Variants in SORCS2 observed in about 807,000 individuals in gnomAD.
SORCS2 encodes the protein sortilin related VPS10 domain containing receptor 2.
In SORCS2, 100 loss-of-function variants were observed where a neutral mutation model predicts 141.6. That is an observed-to-expected ratio of 0.71 (90% CI 0.60 to 0.83). The LOEUF (loss-of-function observed/expected upper bound fraction) is 0.83, where lower values mean the gene tolerates loss of function less well. Ranked by LOEUF, SORCS2 falls within the 40% of genes least tolerant of loss-of-function variation. The pLI is 0.00. For missense variants in SORCS2, 1,646 were observed against 1,560.2 expected, an observed-to-expected ratio of 1.05 and a Z score of -0.93; for synonymous variants, 789 against 676.9, an observed-to-expected ratio of 1.17 and a Z score of -2.57.
At chr4:7,327,379 G>A (rs1017245144) in intron 1 of SORCS2, among the ~76,000 whole-genome samples, 1 of 152,216 alleles carries the variant, frequency 6.6e-6, no homozygotes, top group Non-Finnish European at 1.5e-5. Flanking sequence ...GCCCCTCCCT[G>A]TGTGTCTCTG....
chr4:7,525,292 G>T (rs767540063), intron 2 of SORCS2, among the ~76,000 whole-genome samples: 1 of 152,068 alleles, frequency 6.6e-6, no homozygotes, highest in Non-Finnish European at 1.5e-5. Flanking sequence ...ACACTTGCGG[G>T]GTGCCTGCAG....
In SORCS2 at chr4:7,193,229, C is replaced by T. The variant is rs1726958109; in HGVS notation, c.480+103C>T. On this transcript the variant is annotated intron_variant, in intron 1 of 26. Coordinates refer to ENST00000507866, the MANE Select transcript of SORCS2 (RefSeq NM_020777.3). The surrounding 1 kb of genome is among the most constrained non-coding windows in gnomAD (Gnocchi z 4.8). ...CACCCCAGATCCCCACTATGGTCAT[C>T]AGGGGCGGGTTCTTGGCGACTTGGG... 1 of 1,282,954 alleles carries T rather than the reference C, an allele frequency of 7.8e-7. No individual in the cohort carries two copies. The highest frequency in any genetic ancestry group is 9.9e-7 in the Non-Finnish European group (1 of 1,012,694). The allele number at this position is 1,282,954 out of a possible 1,614,324, so 79.5% of individuals were successfully genotyped here.
At position 7,716,579 on chromosome 4, in the gene SORCS2, CATCT is replaced by C. The variant is rs199555229; in HGVS notation, c.2252+1274_2252+1277del. ...CAATCTATCCATCCATTCACCTATC[CATCT>C]ATCTACCCATCAATTCATCCACTAT... is the stretch of plus-strand genomic sequence containing the variant. On this transcript the variant is annotated intron_variant, in intron 17 of 26. Coordinates refer to ENST00000507866, the MANE Select transcript of SORCS2 (RefSeq NM_020777.3). Among the ~76,000 whole-genome samples the C allele has an allele frequency of 4.9e-3, 740 of 152,164 alleles. 6 individuals are homozygous for C. The highest frequency in any genetic ancestry group is 0.017 in the African/African-American group (694 of 41,494).
At chr4:7,427,968 C>A (rs10937819) in intron 2 of SORCS2, among the ~76,000 whole-genome samples, 81,446 of 151,770 alleles carry the variant, frequency 0.54, 21,892 homozygotes, top group East Asian at 0.58. Context: ...GGAGGTTGCA[C>A]TGCAGCCAGA....
chr4:7,733,507 A>C, intron 24 of SORCS2, 86 bp downstream of exon 24: 2 of 1,100,048 alleles, frequency 1.8e-6, no homozygotes, highest in Non-Finnish European at 2.6e-6. Context: ...GCCCTCGGGC[A>C]GATGGCCCGT....
chr4:7,314,147 G>T (rs1007079165), intron 1 of SORCS2, among the ~76,000 whole-genome samples: 3 of 152,088 alleles, frequency 2.0e-5, no homozygotes, highest in Admixed American at 6.5e-5. Context: ...CCTCTGTGCC[G>T]TGCGGTGAGG....
Position 7,503,722 on chromosome 4 carries a change from T to C in SORCS2, c.549-27808T>C, listed in dbSNP as rs139875652. On this transcript the variant is annotated intron_variant, in intron 2 of 26. Transcript: ENST00000507866. ...GATGCTGATGCAGATTGATGGGCCGTGTGCTCCCCAGAGGCTAATGCAGGC... is the reference window on the plus strand; with the variant it reads ...GATGCTGATGCAGATTGATGGGCCGCGTGCTCCCCAGAGGCTAATGCAGGC... 2.8e-3 allele frequency among the ~76,000 whole-genome samples: 433 copies of C among 152,240 alleles called. 6 individuals are homozygous for C. The highest frequency in any genetic ancestry group is 9.1e-3 in the African/African-American group (377 of 41,548).
At chr4:7,301,113 T>C (rs916676127) in intron 1 of SORCS2, among the ~76,000 whole-genome samples, 3 of 152,156 alleles carry the variant, frequency 2.0e-5, no homozygotes, top group African/African-American at 4.8e-5. Context: ...GGCGGGACTG[T>C]GTCCTTCTGT....
intron 1 of SORCS2, among the ~76,000 whole-genome samples, chr4:7,202,761 C>T (rs540846381): frequency 4.6e-5 from 7 of 152,154 alleles, no homozygotes; most frequent in Admixed American, 2.0e-4. Flanking sequence ...AAGCATCAGA[C>T]GTAGTGATAA....
In SORCS2 at chr4:7,233,524, G is replaced by C. The variant is rs1712052929; in HGVS notation, c.480+40398G>C. 6.6e-6 allele frequency among the ~76,000 whole-genome samples: 1 copy of C among 152,190 alleles called. No homozygotes were observed. The highest frequency in any genetic ancestry group is 1.5e-5 in the Non-Finnish European group (1 of 68,028). On this transcript the variant is annotated intron_variant, in intron 1 of 26. Coordinates refer to ENST00000507866, the MANE Select transcript of SORCS2 (RefSeq NM_020777.3). This position sits in a 1 kb window ranked among gnomAD's most constrained non-coding sequence, Gnocchi z 4.5. ...GGTGAGCAGACACTTGCTGGGTTCA[G>C]GGTGAGCAGACACTGGCAGCTGTGG...
chr4:7,539,637 C>G (rs1256150458), intron 3 of SORCS2, among the ~76,000 whole-genome samples: 1 of 152,080 alleles, frequency 6.6e-6, no homozygotes, highest in African/African-American at 2.4e-5. Flanking sequence ...CTCTGAACCC[C>G]TGCCTTCAGC....
intron 3 of SORCS2, among the ~76,000 whole-genome samples, chr4:7,580,031 AG>A (rs1468413292): frequency 6.6e-6 from 1 of 152,188 alleles, no homozygotes. Context: ...TTTGTTTATG[AG>A]GGTATATAAA....
intron 2 of SORCS2, among the ~76,000 whole-genome samples, chr4:7,464,347 A>G (rs1020166108): frequency 2.0e-5 from 3 of 152,134 alleles, no homozygotes; most frequent in African/African-American, 7.2e-5. Flanking sequence ...CCAGGGGGAA[A>G]AAGAATGCAC....
At chr4:7,231,305 C>A (rs1431560478) in intron 1 of SORCS2, among the ~76,000 whole-genome samples, 1 of 152,184 alleles carries the variant, frequency 6.6e-6, no homozygotes, top group African/African-American at 2.4e-5. Flanking sequence ...ATGAGGCTGG[C>A]CTGCATTGTG....
intron 10 of SORCS2, 79 bp downstream of exon 10, chr4:7,682,968 G>A: frequency 6.6e-7 from 1 of 1,516,052 alleles, no homozygotes; most frequent in Non-Finnish European, 8.9e-7. Flanking sequence ...AAGGTCAGAG[G>A]TGGTGATGTC....
Position 7,193,430 on chromosome 4 carries a change from C to T in SORCS2, c.480+304C>T, listed in dbSNP as rs1026417934. ...CCAGGTCTTGGGTTACGGAGGAGGA[C>T]CCCAGAACCTTCGGAAGCCTGCAGG... On this transcript the variant is annotated intron_variant, in intron 1 of 26. Transcript: ENST00000507866. This position sits in a 1 kb window ranked among gnomAD's most constrained non-coding sequence, Gnocchi z 4.8. 1.3e-5 allele frequency among the ~76,000 whole-genome samples: 2 copies of T among 152,112 alleles called. No homozygotes were observed. Among genetic ancestry groups the T allele is most frequent in the African/African-American group, 4.8e-5 (2 of 41,398 alleles).
At chr4:7,554,016 C>T (rs892070533) in intron 3 of SORCS2, among the ~76,000 whole-genome samples, 5 of 152,042 alleles carry the variant, frequency 3.3e-5, no homozygotes, top group South Asian at 2.1e-4. Flanking sequence ...CAGCCATGGG[C>T]GAGAGACTCA....
chr4:7,352,529 G>A (rs1400077749), intron 1 of SORCS2, among the ~76,000 whole-genome samples: 2 of 152,172 alleles, frequency 1.3e-5, no homozygotes, highest in African/African-American at 4.8e-5. Context: ...GGTCTTTCTT[G>A]GGCTTAGTCC....
intron 2 of SORCS2, among the ~76,000 whole-genome samples, chr4:7,447,921 T>A (rs568462351): frequency 4.5e-4 from 69 of 152,092 alleles, no homozygotes; most frequent in African/African-American, 1.5e-3. Context: ...CGCCCCTAGA[T>A]GTGGCCTTCA....
Sources: allele counts gnomAD v4.1 joint callset (sites outside exome capture counted in the v4.1 genomes callset), GRCh38; gene constraint gnomAD v4.1.1; non-coding constraint Gnocchi (gnomAD v3.1); transcripts MANE v1.5; gene names NCBI Gene and HGNC (gene_info 2026-07-23, HGNC 2026-07-21).